KCNQ5: variants seen among roughly 807,000 people sequenced by gnomAD.
KCNQ5 encodes the protein potassium voltage-gated channel subfamily Q member 5.
A neutral mutation model predicts 98.2 loss-of-function variants in KCNQ5; 30 were observed. That is an observed-to-expected ratio of 0.31 (90% CI 0.23 to 0.41). KCNQ5 has a LOEUF of 0.41. KCNQ5 is among the 10% of genes least tolerant of loss of function. KCNQ5 has a pLI of 1.00. For synonymous variants in KCNQ5, 458 were observed against 449.4 expected, an observed-to-expected ratio of 1.02 and a Z score of -0.24; for missense variants, 835 against 1,182.5, an observed-to-expected ratio of 0.71 and a Z score of 4.31.
chr6:72,869,365 G>A (rs1003126285), intron 1 of KCNQ5, among the ~76,000 whole-genome samples: 1 of 152,164 alleles, frequency 6.6e-6, no homozygotes, highest in Non-Finnish European at 1.5e-5. Context: ...ACTTACTTGA[G>A]AGCAGGAAAC....
intron 2 of KCNQ5, among the ~76,000 whole-genome samples, chr6:73,036,029 G>T (rs983124315): frequency 6.9e-5 from 9 of 131,310 alleles, no homozygotes; most frequent in Non-Finnish European, 1.4e-4. Context: ...GTGTGTGTGT[G>T]TATTGGCTCT....
chr6:73,089,480 T>C (rs1246323255), intron 5 of KCNQ5, among the ~76,000 whole-genome samples: 1 of 152,142 alleles, frequency 6.6e-6, no homozygotes, highest in African/African-American at 2.4e-5. Context: ...TCTTTCACGG[T>C]GAGTTGTGAG....
At chr6:72,978,808 C>G (rs1329857040) in intron 1 of KCNQ5, among the ~76,000 whole-genome samples, 1 of 152,184 alleles carries the variant, frequency 6.6e-6, no homozygotes, top group Non-Finnish European at 1.5e-5. Context: ...CATATTTCTC[C>G]TAATGCTATC....
chr6:72,923,182 A>C (rs934846884), intron 1 of KCNQ5, among the ~76,000 whole-genome samples: 3 of 152,178 alleles, frequency 2.0e-5, no homozygotes, highest in Non-Finnish European at 2.9e-5. Context: ...ATGATTGTGA[A>C]TAATGCTTCA....
At chr6:72,697,674 G>A (rs1352313984) in intron 1 of KCNQ5, among the ~76,000 whole-genome samples, 1 of 152,150 alleles carries the variant, frequency 6.6e-6, no homozygotes, top group Non-Finnish European at 1.5e-5. Flanking sequence ...AAATTACTTA[G>A]GACATGAGTT....
intron 1 of KCNQ5, among the ~76,000 whole-genome samples, chr6:72,698,550 G>C (rs771648356): frequency 2.6e-5 from 4 of 151,634 alleles, no homozygotes; most frequent in African/African-American, 4.8e-5. Context: ...GGATTTTCTG[G>C]TCATTATATG....
intron 1 of KCNQ5, among the ~76,000 whole-genome samples, chr6:72,657,929 A>G (rs184843263): frequency 6.6e-6 from 1 of 152,236 alleles, no homozygotes; most frequent in Non-Finnish European, 1.5e-5. Context: ...CATTGAGGCC[A>G]CATTAAGATG....
intron 1 of KCNQ5, among the ~76,000 whole-genome samples, chr6:72,692,618 G>T (rs1195031422): frequency 6.6e-6 from 1 of 152,222 alleles, no homozygotes; most frequent in African/African-American, 2.4e-5. Flanking sequence ...ATGAAACTCT[G>T]TAGGCACAGC....
intron 1 of KCNQ5, among the ~76,000 whole-genome samples, chr6:72,877,815 G>A (rs894126692): frequency 1.3e-5 from 2 of 152,240 alleles, no homozygotes; most frequent in African/African-American, 4.8e-5. Context: ...AACGGCCAGT[G>A]ATGATGAGCT....
intron 1 of KCNQ5, among the ~76,000 whole-genome samples, chr6:72,984,618 C>T (rs967287250): frequency 4.6e-5 from 7 of 152,200 alleles, no homozygotes; most frequent in Admixed American, 6.5e-5. Flanking sequence ...CAGTCTGTCA[C>T]GGCTTCCCTT....
chr6:72,809,767 G>A (rs1411810958), intron 1 of KCNQ5, among the ~76,000 whole-genome samples: 2 of 152,210 alleles, frequency 1.3e-5, no homozygotes, highest in South Asian at 2.1e-4. Flanking sequence ...TAACAAAGAT[G>A]CACTGCTTTC....
At chr6:72,956,039 C>T in intron 1 of KCNQ5, among the ~76,000 whole-genome samples, 1 of 152,186 alleles carries the variant, frequency 6.6e-6, no homozygotes, top group East Asian at 1.9e-4. Flanking sequence ...TTAACAGAAA[C>T]TTTTCCATTG....
chr6:72,791,019 A>G (rs1203803339), intron 1 of KCNQ5, among the ~76,000 whole-genome samples: 1 of 152,240 alleles, frequency 6.6e-6, no homozygotes, highest in Non-Finnish European at 1.5e-5. Flanking sequence ...CAATAAGTCA[A>G]TAAACAAGAT....
chr6:72,974,284 A>G (rs1768043989), intron 1 of KCNQ5, among the ~76,000 whole-genome samples: 1 of 152,104 alleles, frequency 6.6e-6, no homozygotes, highest in Non-Finnish European at 1.5e-5. Context: ...CACAAAATCT[A>G]AAATATTTAC....
At chr6:72,624,412 T>C (rs1283737132) in intron 1 of KCNQ5, among the ~76,000 whole-genome samples, 2 of 151,790 alleles carry the variant, frequency 1.3e-5, no homozygotes. Context: ...TTTTATATTA[T>C]GCATTGTATA....
chr6:73,192,531 GC>G, intron 12 of KCNQ5, 33 bp from the exon 13 acceptor site: 1 of 1,562,574 alleles, frequency 6.4e-7, no homozygotes, highest in Non-Finnish European at 8.7e-7. Flanking sequence ...TCCACCTTCA[GC>G]CCTCATAATC....
At chr6:72,734,111 T>G (rs1458673505) in intron 1 of KCNQ5, among the ~76,000 whole-genome samples, 1 of 152,188 alleles carries the variant, frequency 6.6e-6, no homozygotes, top group Admixed American at 6.5e-5. Flanking sequence ...GGGCTTGAGA[T>G]TAGATCTTGT....
chr6:73,158,008 C>A, intron 10 of KCNQ5: 1 of 733,666 alleles, frequency 1.4e-6, no homozygotes, highest in South Asian at 1.4e-5. Context: ...AAGTAGGGTT[C>A]TCTGGGTTTA....
chr6:72,738,215 A>G (rs1297760400), intron 1 of KCNQ5, among the ~76,000 whole-genome samples: 2 of 152,154 alleles, frequency 1.3e-5, no homozygotes, highest in African/African-American at 4.8e-5. Context: ...AATACCTTAC[A>G]GGGCAAAAAT....
Sources: gnomAD v4.1 joint callset for allele counts (sites outside exome capture counted in the v4.1 genomes callset) on GRCh38, gnomAD v4.1.1 for gene constraint, MANE v1.5 for transcripts, NCBI Gene and HGNC (gene_info 2026-07-23, HGNC 2026-07-21) for gene names.